LRGUK: variants seen among roughly 807,000 people sequenced by gnomAD.
LRGUK encodes the protein leucine rich repeats and guanylate kinase domain containing.
LRGUK carries 65 observed loss-of-function variants against 76.0 expected under a neutral mutation model. The ratio of observed to expected loss-of-function variants is 0.85; its 90% CI spans 0.70 to 1.05. LRGUK has a LOEUF of 1.05. Ranked by LOEUF, LRGUK falls within the 50% of genes least tolerant of loss-of-function variation. The probability of loss-of-function intolerance (pLI) is 0.00; values close to 1 mark genes in which losing one functional copy is unlikely to be tolerated. For missense variants in LRGUK, 758 were observed against 732.8 expected, an observed-to-expected ratio of 1.03 and a Z score of -0.40; for synonymous variants, 268 against 265.6, an observed-to-expected ratio of 1.01 and a Z score of -0.09.
At chr7:134,243,883 T>C (rs902127347) in intron 16 of LRGUK, among the ~76,000 whole-genome samples, 22 of 152,184 alleles carry the variant, frequency 1.4e-4, no homozygotes, top group African/African-American at 5.3e-4. Flanking sequence ...GATAGAGCCC[T>C]TGGAATTAAT....
chr7:134,185,825 A>C (rs971059138), intron 11 of LRGUK, among the ~76,000 whole-genome samples: 4 of 152,222 alleles, frequency 2.6e-5, no homozygotes, highest in African/African-American at 4.8e-5. Flanking sequence ...GATATTTAAA[A>C]TTACATCCTT....
At chr7:134,150,479 C>CAAAAAAAA (rs11403705) in intron 5 of LRGUK, among the ~76,000 whole-genome samples, 2 of 134,558 alleles carry the variant, frequency 1.5e-5, no homozygotes, top group African/African-American at 2.8e-5. Context: ...AACAAGCAAA[C>CAAAAAAAA]AAAAAAAAAA....
chr7:134,130,516 T>G (rs1797256003), intron 1 of LRGUK, among the ~76,000 whole-genome samples: 1 of 152,230 alleles, frequency 6.6e-6, no homozygotes. Context: ...TAAATATTAA[T>G]TTTGTGTTTT....
chr7:134,151,150 T>C (rs990316482), intron 5 of LRGUK, among the ~76,000 whole-genome samples: 4 of 152,182 alleles, frequency 2.6e-5, no homozygotes, highest in Non-Finnish European at 5.9e-5. Context: ...TACAAGCTTT[T>C]CTGGACAACA....
At chr7:134,134,913 A>C (rs1301526944) in intron 1 of LRGUK, among the ~76,000 whole-genome samples, 3 of 151,938 alleles carry the variant, frequency 2.0e-5, no homozygotes, top group African/African-American at 7.3e-5. Flanking sequence ...TGTGAGTTTT[A>C]TGTCCATTTT....
intron 1 of LRGUK, among the ~76,000 whole-genome samples, chr7:134,136,284 A>G (rs1430894214): frequency 1.3e-5 from 2 of 152,174 alleles, no homozygotes; most frequent in African/African-American, 2.4e-5. Context: ...TGTGATGTCT[A>G]TAGACCAAGG....
chr7:134,222,645 T>C (rs531127260), intron 16 of LRGUK, among the ~76,000 whole-genome samples: 4 of 152,138 alleles, frequency 2.6e-5, no homozygotes, highest in Admixed American at 6.5e-5. Context: ...GTTTTGCTCT[T>C]GTTGCCAGGC....
chr7:134,262,346 G>T (rs1686526087), intron 19 of LRGUK, among the ~76,000 whole-genome samples: 1 of 152,128 alleles, frequency 6.6e-6, no homozygotes, highest in African/African-American at 2.4e-5. Flanking sequence ...TGCACTCCAG[G>T]CTGGGTGCCA....
chr7:134,204,154 T>TG (rs908896963), intron 15 of LRGUK, among the ~76,000 whole-genome samples: 4 of 152,048 alleles, frequency 2.6e-5, no homozygotes, highest in Admixed American at 1.3e-4. Flanking sequence ...TGCCACTGAC[T>TG]GGGGGGGCTT....
chr7:134,262,995 G>A (rs540420816), intron 19 of LRGUK, among the ~76,000 whole-genome samples: 117 of 142,882 alleles, frequency 8.2e-4, no homozygotes, highest in Non-Finnish European at 1.5e-3. Flanking sequence ...AAAAAAAAAG[G>A]AGGAGTTTTT....
chr7:134,187,501 A>G (rs973305120), intron 11 of LRGUK, among the ~76,000 whole-genome samples: 2 of 152,216 alleles, frequency 1.3e-5, no homozygotes, highest in Non-Finnish European at 2.9e-5. Context: ...GCATATCCAG[A>G]TATATAAATA....
Position 134,258,331 on chromosome 7 carries a change from A to G in LRGUK, c.2273A>G (p.Gln758Arg). The change falls in exon 19 of 20, where the codon CAG becomes CGG. Residue 758 changes from glutamine to arginine, a missense_variant. By Grantham distance (43) the Gln-to-Arg change is conservative. Coordinates refer to the LRGUK transcript ENST00000285928. ...CCGTGGTCAAAAGAATTGCCTTTCC[A>G]GCCTCCGGAGGGGAGCATTTCTTCA... 1 of 1,614,098 alleles carries G rather than the reference A, an allele frequency of 6.2e-7. No homozygotes were observed. Among genetic ancestry groups the G allele is most frequent in the Non-Finnish European group, 8.5e-7 (1 of 1,179,990 alleles).
intron 1 of LRGUK, among the ~76,000 whole-genome samples, chr7:134,128,003 T>C (rs1360900572): frequency 6.6e-6 from 1 of 152,088 alleles, no homozygotes; most frequent in Non-Finnish European, 1.5e-5. Flanking sequence ...TTGACAGTAT[T>C]GTGAATAGGC....
Position 134,137,090 on chromosome 7 carries a change from GCT to G in LRGUK, c.368_369del (p.Ser123TrpfsTer3). ...GCACTCCATCACTTGGGGCGCTCAG[GCT>G]CTGGGACTGAGCAAGTCTACCTCAA... On this transcript the variant is annotated frameshift_variant, in exon 2 of 16. Transcript: ENST00000645682. LOFTEE classifies it high-confidence loss of function. 6.2e-7 allele frequency: 1 copy of G among 1,613,118 alleles called. No individual in the cohort carries two copies. Among genetic ancestry groups the G allele is most frequent in the Non-Finnish European group, 8.5e-7 (1 of 1,179,694 alleles).
At chr7:134,226,217 AATGTGTGTGTGT>A (rs1298592228) in intron 16 of LRGUK, among the ~76,000 whole-genome samples, 1 of 92,180 alleles carries the variant, frequency 1.1e-5, no homozygotes, top group Non-Finnish European at 2.0e-5. Context: ...TCCCATCTCC[AATGTGTGTGTGT>A]GTGTGTGTGT....
chr7:134,173,219 C>T (rs1012833522), intron 7 of LRGUK, among the ~76,000 whole-genome samples: 1 of 152,160 alleles, frequency 6.6e-6, no homozygotes, highest in African/African-American at 2.4e-5. Flanking sequence ...TTAATGTGTT[C>T]AGGTTGTAGA....
At chr7:134,263,419 C>CTGTGTG (rs60637538) in intron 19 of LRGUK, among the ~76,000 whole-genome samples, 7,914 of 149,584 alleles carry the variant, frequency 0.053, 585 homozygotes, top group African/African-American at 0.15. Flanking sequence ...GTGTGTGTGT[C>CTGTGTG]TGTGTGCATG....
intron 7 of LRGUK, 130 bp downstream of exon 7, chr7:134,163,670 C>A (rs947407792): frequency 2.6e-6 from 2 of 767,704 alleles, no homozygotes; most frequent in African/African-American, 3.5e-5. Context: ...AAATATTGTT[C>A]TAGCAAAATT....
At chr7:134,247,747 A>C in intron 17 of LRGUK, 103 bp downstream of exon 17, 2 of 788,140 alleles carry the variant, frequency 2.5e-6, no homozygotes, top group Non-Finnish European at 2.0e-6. Flanking sequence ...CTGTCCTAAA[A>C]TGGACCCAGT....
Sources: gnomAD v4.1 joint callset for allele counts (sites outside exome capture counted in the v4.1 genomes callset) on GRCh38, gnomAD v4.1.1 for gene constraint, MANE v1.5 for transcripts, NCBI Gene and HGNC (gene_info 2026-07-23, HGNC 2026-07-21) for gene names.